ANKRD9: variants seen among roughly 807,000 people sequenced by gnomAD.
The protein encoded by ANKRD9 is ankyrin repeat domain 9.
A neutral mutation model predicts 19.2 loss-of-function variants in ANKRD9; 13 were observed. That is an observed-to-expected ratio of 0.68 (90% CI 0.44 to 1.08). ANKRD9 has a LOEUF of 1.08. Ranked by LOEUF, ANKRD9 falls within the 50% of genes least tolerant of loss-of-function variation. ANKRD9 has a pLI of 0.00. For synonymous variants in ANKRD9, 278 were observed against 256.8 expected (o/e 1.08, Z -0.79); for missense variants, 518 against 499.9 (o/e 1.04, Z -0.34).
In ANKRD9 at chr14:102,504,382, C is replaced by G. The variant is rs1430669268; in HGVS notation, c.*2554G>C. On this transcript the variant is annotated 3_prime_UTR_variant, in exon 4 of 4. Coordinates refer to ENST00000286918, the MANE Select transcript of ANKRD9 (RefSeq NM_152326.4). ...GCCTTTGGGAAGCCACCAAGGCCACCTGCCAACAGGCAAATGCTGTGCTGC... is the reference window on the plus strand; with the variant it reads ...GCCTTTGGGAAGCCACCAAGGCCACGTGCCAACAGGCAAATGCTGTGCTGC... The G allele has an allele frequency of 6.5e-6, 1 of 154,176 alleles. No homozygotes were observed. Among genetic ancestry groups the G allele is most frequent in the Non-Finnish European group, 1.5e-5 (1 of 68,088 alleles). 9.6% of individuals were successfully genotyped at this position (154,176 alleles called of 1,614,324 possible).
In ANKRD9 at chr14:102,505,323, A is replaced by C. The variant is rs1891558225; in HGVS notation, c.*1613T>G. The C allele has an allele frequency of 6.6e-6, 1 of 151,250 alleles. No individual in the cohort carries two copies. The highest frequency in any genetic ancestry group is 1.5e-5 in the Non-Finnish European group (1 of 67,688). The allele number at this position is 151,250 out of a possible 1,614,324, so 9.4% of individuals were successfully genotyped here. A position where few individuals can be genotyped will look rare whatever the true frequency, so the allele number is the denominator to read the frequency against. ...CTGAGGACCTGCCACCTCCCAGAGGACCGGAGGCCCTGATGCCCCAAGAAT... is the reference window on the plus strand; with the variant it reads ...CTGAGGACCTGCCACCTCCCAGAGGCCCGGAGGCCCTGATGCCCCAAGAAT... On this transcript the variant is annotated 3_prime_UTR_variant, in exon 4 of 4. Transcript: ENST00000286918.
At position 102,507,409 on chromosome 14, in the gene ANKRD9, T is replaced by A. The variant is rs1444535066; in HGVS notation, c.481A>T (p.Thr161Ser). 2 of 1,359,554 alleles carry A rather than the reference T, an allele frequency of 1.5e-6. No homozygotes were observed. Among genetic ancestry groups the A allele is most frequent in the Non-Finnish European group, 1.9e-6 (2 of 1,053,528 alleles). The allele number at this position is 1,359,554 out of a possible 1,614,324, so 84.2% of individuals were successfully genotyped here. A position where few individuals can be genotyped will look rare whatever the true frequency, so the allele number is the denominator to read the frequency against. ...RGCSRVEGGG[T>S]SLHVACELAR... Reference sequence around the variant, plus strand: ...AGCTCACAGGCCACGTGCAGCGACGTGCCACCGCCCTCCACGCGGCTGCAG... The same window carrying A: ...AGCTCACAGGCCACGTGCAGCGACGAGCCACCGCCCTCCACGCGGCTGCAG... Residue 161 changes from threonine (T) to serine (S), a missense_variant, in exon 4 of 4, where the codon ACG becomes TCG. By Grantham distance (58) the Thr-to-Ser change is moderately conservative. Coordinates refer to ENST00000286918, the MANE Select transcript of ANKRD9 (RefSeq NM_152326.4). The surrounding 1 kb of genome is among the most constrained non-coding windows in gnomAD (Gnocchi z 9.2).
chr14:102,504,155 G>A lies in ANKRD9; in HGVS notation c.*2781C>T, dbSNP rs960709687. ...CACTATCCTCCCTAACAGGCATTTG[G>A]GGTGCAGAGATGCTGACGCCTGAAT... On this transcript the variant is annotated 3_prime_UTR_variant, in exon 4 of 4. Coordinates refer to ENST00000286918, the MANE Select transcript of ANKRD9 (RefSeq NM_152326.4). The A allele has an allele frequency of 1.3e-5, 2 of 152,218 alleles. No individual in the cohort carries two copies. Among genetic ancestry groups the A allele is most frequent in the Non-Finnish European group, 2.9e-5 (2 of 68,066 alleles). The allele number at this position is 152,218 out of a possible 1,614,324, so 9.4% of individuals were successfully genotyped here.
rs552421725 is a variant in ANKRD9 at position 102,504,893 on chromosome 14, T to C, written c.*2043A>G. 1 of 152,426 alleles carries C rather than the reference T, an allele frequency of 6.6e-6. No homozygotes were observed. The highest frequency in any genetic ancestry group is 2.1e-4 in the South Asian group (1 of 4,832). The allele number at this position is 152,426 out of a possible 1,614,324, so 9.4% of individuals were successfully genotyped here. A position where few individuals can be genotyped will look rare whatever the true frequency, so the allele number is the denominator to read the frequency against. ...CATCCTGGTAACCTGACAATGGATT[T>C]CGTGGGGCCCACTCTCAGTGCCCGC... On this transcript the variant is annotated 3_prime_UTR_variant, in exon 4 of 4. Coordinates refer to ENST00000286918, the MANE Select transcript of ANKRD9 (RefSeq NM_152326.4).
Position 102,507,754 on chromosome 14 carries a change from GT to G in ANKRD9, c.135del (p.Val47CysfsTer277), listed in dbSNP as rs757352703. On this transcript the variant is annotated frameshift_variant, in exon 4 of 4. Transcript: ENST00000286918. LOFTEE classifies it high-confidence loss of function. The surrounding 1 kb of genome is among the most constrained non-coding windows in gnomAD (Gnocchi z 9.2). The stretch of plus-strand genomic sequence containing the variant: ...CGCATATCCTCCAGCAGCCACACGG[GT>G]AGCAGGTCGCGCACCGCCTGGTAGA... ...FAFYQAVRDL[L>X]PVWLLEDMRA... 39 of 1,501,532 alleles carry G rather than the reference GT, an allele frequency of 2.6e-5. No homozygotes were observed. The highest frequency in any genetic ancestry group is 3.2e-5 in the Non-Finnish European group (36 of 1,125,610). 93.0% of individuals were successfully genotyped at this position (1,501,532 alleles called of 1,614,324 possible). A position where few individuals can be genotyped will look rare whatever the true frequency, so the allele number is the denominator to read the frequency against.
At position 102,505,281 on chromosome 14, in the gene ANKRD9, C is replaced by CCCA. The variant is rs1891556223; in HGVS notation, c.*1652_*1654dup. The CCCA allele has an allele frequency of 1.3e-5, 2 of 152,138 alleles. No individual in the cohort carries two copies. The highest frequency in any genetic ancestry group is 1.9e-4 in the East Asian group (1 of 5,192). The allele number at this position is 152,138 out of a possible 1,614,324, so 9.4% of individuals were successfully genotyped here. On this transcript the variant is annotated 3_prime_UTR_variant, in exon 4 of 4. Transcript: ENST00000286918. ...CTCCAAAGGAGAGGCACCTCCCCCC[C>CCCA]CCATGGCATCTCCAATCTGAGGACC...
Position 102,508,062 on chromosome 14 carries a change from G to GTC in ANKRD9, c.-53-121_-53-120insGA. The GTC allele has an allele frequency of 1.6e-6, 1 of 631,844 alleles. No homozygotes were observed. Among genetic ancestry groups the GTC allele is most frequent in the Non-Finnish European group, 2.0e-6 (1 of 490,772 alleles). The allele number at this position is 631,844 out of a possible 1,614,324, so 39.1% of individuals were successfully genotyped here. A position where few individuals can be genotyped will look rare whatever the true frequency, so the allele number is the denominator to read the frequency against. On this transcript the variant is annotated intron_variant, in intron 3 of 3. Transcript: ENST00000286918. This position sits in a 1 kb window ranked among gnomAD's most constrained non-coding sequence, Gnocchi z 6.2. ...CCCACCAGGCCTGTACCTACCTCCA[G>GTC]CCTCGGCCAGGCCCTTCCAGTCACC...
chr14:102,501,944 G>C lies in ANKRD9; in HGVS notation c.*4992C>G, dbSNP rs757614770. 2.0e-5 allele frequency: 3 copies of C among 152,356 alleles called. No individual in the cohort carries two copies. Among genetic ancestry groups the C allele is most frequent in the Non-Finnish European group, 1.5e-5 (1 of 68,036 alleles). 9.4% of individuals were successfully genotyped at this position (152,356 alleles called of 1,614,324 possible). A position where few individuals can be genotyped will look rare whatever the true frequency, so the allele number is the denominator to read the frequency against. On this transcript the variant is annotated 3_prime_UTR_variant, in exon 4 of 4. Coordinates refer to ENST00000286918, the MANE Select transcript of ANKRD9 (RefSeq NM_152326.4). ...GCCGCCCTACTGGGGAAGCCGGTCC[G>C]TACGTAGGCCTTGCATCTCGCCACC...
At position 102,506,940 on chromosome 14, in the gene ANKRD9, C is replaced by A. The variant is rs771651559; in HGVS notation, c.950G>T (p.Gly317Val). ...FLQPLDLTGK[G>V] ...AGCGCCTAGGGTGCTCCGGGCCTAG[C>A]CTTTGCCAGTGAGGTCCAACGGCTG... The change falls in exon 4 of 4, where the codon GGC (glycine) becomes GTC (valine). Residue 317 changes from glycine (G) to valine (V), a missense_variant. Transcript: ENST00000286918. 1.3e-6 allele frequency: 2 copies of A among 1,512,660 alleles called. No homozygotes were observed. Among genetic ancestry groups the A allele is most frequent in the South Asian group, 2.5e-5 (2 of 79,578 alleles). 93.7% of individuals were successfully genotyped at this position (1,512,660 alleles called of 1,614,324 possible). A position where few individuals can be genotyped will look rare whatever the true frequency, so the allele number is the denominator to read the frequency against.
In ANKRD9 at chr14:102,505,315, C is replaced by T. The variant is rs1891557963; in HGVS notation, c.*1621G>A. ...TCTCCAATCTGAGGACCTGCCACCT[C>T]CCAGAGGACCGGAGGCCCTGATGCC... On this transcript the variant is annotated 3_prime_UTR_variant, in exon 4 of 4. Coordinates refer to ENST00000286918, the MANE Select transcript of ANKRD9 (RefSeq NM_152326.4). 1 of 152,272 alleles carries T rather than the reference C, an allele frequency of 6.6e-6. No individual in the cohort carries two copies. Among genetic ancestry groups the T allele is most frequent in the Non-Finnish European group, 1.5e-5 (1 of 68,108 alleles). 9.4% of individuals were successfully genotyped at this position (152,272 alleles called of 1,614,324 possible). A position where few individuals can be genotyped will look rare whatever the true frequency, so the allele number is the denominator to read the frequency against.
Position 102,507,397 on chromosome 14 carries a change from C to T in ANKRD9, c.493G>A (p.Val165Met). ...TCGGGGCGCGCCAGCTCACAGGCCA[C>T]GTGCAGCGACGTGCCACCGCCCTCC... The part of the protein sequence containing the change: ...RVEGGGTSLH[V>M]ACELARPECL... Residue 165 changes from valine to methionine, a missense_variant, in exon 4 of 4, where the codon GTG (valine) becomes ATG (methionine). Coordinates refer to ENST00000286918, the MANE Select transcript of ANKRD9 (RefSeq NM_152326.4). The surrounding 1 kb of genome is among the most constrained non-coding windows in gnomAD (Gnocchi z 9.2). The T allele has an allele frequency of 3.0e-6, 4 of 1,347,510 alleles. No individual in the cohort carries two copies. Among genetic ancestry groups the T allele is most frequent in the South Asian group, 1.5e-5 (1 of 68,406 alleles). The allele number at this position is 1,347,510 out of a possible 1,614,324, so 83.5% of individuals were successfully genotyped here. A position where few individuals can be genotyped will look rare whatever the true frequency, so the allele number is the denominator to read the frequency against.
rs1595157682 is a variant in ANKRD9, at chr14:102,506,842, T to C, written c.*94A>G. 3.1e-6 allele frequency: 4 copies of C among 1,281,428 alleles called. No individual in the cohort carries two copies. The highest frequency in any genetic ancestry group is 2.0e-6 in the Non-Finnish European group (2 of 1,011,402). 79.4% of individuals were successfully genotyped at this position (1,281,428 alleles called of 1,614,324 possible). ...GTGCATGCGACAGATGAGGCAGAGATTGTGCCGTACAGAGATCAATATATA... is the reference window on the plus strand; with the variant it reads ...GTGCATGCGACAGATGAGGCAGAGACTGTGCCGTACAGAGATCAATATATA... On this transcript the variant is annotated 3_prime_UTR_variant, in exon 4 of 4. Transcript: ENST00000286918.
In ANKRD9 at chr14:102,505,902, G is replaced by C. The variant is rs911898442; in HGVS notation, c.*1034C>G. ...CTGTGGCCCTCCTGCCCACGTTGGTGCGGGTTGAATTTGACGGCCCAGCAG... is the reference window on the plus strand; with the variant it reads ...CTGTGGCCCTCCTGCCCACGTTGGTCCGGGTTGAATTTGACGGCCCAGCAG... On this transcript the variant is annotated 3_prime_UTR_variant, in exon 4 of 4. Coordinates refer to ENST00000286918, the MANE Select transcript of ANKRD9 (RefSeq NM_152326.4). 1 of 152,284 alleles carries C rather than the reference G, an allele frequency of 6.6e-6. No homozygotes were observed. Among genetic ancestry groups the C allele is most frequent in the Non-Finnish European group, 1.5e-5 (1 of 68,046 alleles). The allele number at this position is 152,284 out of a possible 1,614,324, so 9.4% of individuals were successfully genotyped here.
Position 102,506,852 on chromosome 14 carries a change from C to A in ANKRD9, c.*84G>T, listed in dbSNP as rs1449555085. 7.5e-7 allele frequency: 1 copy of A among 1,339,126 alleles called. No individual in the cohort carries two copies. Among genetic ancestry groups the A allele is most frequent in the African/African-American group, 1.5e-5 (1 of 65,328 alleles). 83.0% of individuals were successfully genotyped at this position (1,339,126 alleles called of 1,614,324 possible). On this transcript the variant is annotated 3_prime_UTR_variant, in exon 4 of 4. Transcript: ENST00000286918. Reference sequence around the variant, plus strand: ...CAGATGAGGCAGAGATTGTGCCGTACAGAGATCAATATATATAAAGTGCCG... The same window carrying A: ...CAGATGAGGCAGAGATTGTGCCGTAAAGAGATCAATATATATAAAGTGCCG...
chr14:102,507,717 G>T lies in ANKRD9; in HGVS notation c.173C>A (p.Ala58Asp), dbSNP rs1413961532. Reference sequence around the variant, plus strand: ...GCGCCCGCGCTCGTCCCAGTGGAAGGCCTCGCTGGCGCGCATATCCTCCAG... The same window carrying T: ...GCGCCCGCGCTCGTCCCAGTGGAAGTCCTCGCTGGCGCGCATATCCTCCAG... ...WLLEDMRASE[A>D]FHWDERGRAA... The change falls in exon 4 of 4, where the codon GCC becomes GAC. Residue 58 changes from alanine to aspartate, a missense_variant. Coordinates refer to ENST00000286918, the MANE Select transcript of ANKRD9 (RefSeq NM_152326.4). The surrounding 1 kb of genome is among the most constrained non-coding windows in gnomAD (Gnocchi z 9.2). The T allele has an allele frequency of 6.5e-7, 1 of 1,536,392 alleles. No individual in the cohort carries two copies. The highest frequency in any genetic ancestry group is 2.4e-5 in the East Asian group (1 of 41,258).
intron 1 of ANKRD9, 147 bp downstream of exon 1, chr14:102,509,382 C>T (rs1291787294): frequency 1.3e-5 from 2 of 151,936 alleles, no homozygotes; most frequent in Admixed American, 6.6e-5. Context: ...GCCTGCACGG[C>T]CAGACGTCGG....
At position 102,507,833 on chromosome 14, in the gene ANKRD9, C is replaced by T; in HGVS notation, c.57G>A (p.Ser19=). The T allele has an allele frequency of 7.4e-7, 1 of 1,348,694 alleles. No homozygotes were observed. The highest frequency in any genetic ancestry group is 9.7e-7 in the Non-Finnish European group (1 of 1,033,566). 83.5% of individuals were successfully genotyped at this position (1,348,694 alleles called of 1,614,324 possible). ...TCTGCGCTCGCGAGCGCGCCGCGCC[C>T]GAGGCCTCGGGCCCGCCGTCCGCGC... ...GGGADGGPEA[S]GAARSRAQKQ... is the part of the protein sequence containing the mutation. Residue 19 remains serine (S), a synonymous_variant, in exon 4 of 4, where the codon TCG becomes TCA. Transcript: ENST00000286918. This position sits in a 1 kb window ranked among gnomAD's most constrained non-coding sequence, Gnocchi z 9.2.
rs1388604727 is a variant in ANKRD9, at chr14:102,505,223, G to A, written c.*1713C>T. The A allele has an allele frequency of 6.6e-6, 1 of 151,912 alleles. No individual in the cohort carries two copies. Among genetic ancestry groups the A allele is most frequent in the Non-Finnish European group, 1.5e-5 (1 of 68,138 alleles). 9.4% of individuals were successfully genotyped at this position (151,912 alleles called of 1,614,324 possible). ...CCAGCCCCTAAGAACCACGGCAGCT[G>A]CGCCAGGCCACTCCTGTCTCCACTT... On this transcript the variant is annotated 3_prime_UTR_variant, in exon 4 of 4. Coordinates refer to ENST00000286918, the MANE Select transcript of ANKRD9 (RefSeq NM_152326.4).
chr14:102,507,708 C>A lies in ANKRD9; in HGVS notation c.182G>T (p.Trp61Leu). Residue 61 changes from tryptophan (W) to leucine (L), a missense_variant, in exon 4 of 4, where the codon TGG (tryptophan) becomes TTG (leucine). Coordinates refer to ENST00000286918, the MANE Select transcript of ANKRD9 (RefSeq NM_152326.4). The surrounding 1 kb of genome is among the most constrained non-coding windows in gnomAD (Gnocchi z 9.2). ...GGCGGCGGCGCGCCCGCGCTCGTCC[C>A]AGTGGAAGGCCTCGCTGGCGCGCAT... ...EDMRASEAFH[W>L]DERGRAAAYS... 6.5e-7 allele frequency: 1 copy of A among 1,541,986 alleles called. No homozygotes were observed.
Sources: gnomAD v4.1 joint callset for allele counts on GRCh38, gnomAD v4.1.1 for gene constraint, Gnocchi (gnomAD v3.1) non-coding constraint, MANE v1.5 for transcripts, NCBI Gene and HGNC (gene_info 2026-07-23, HGNC 2026-07-21) for gene names.